The following ADCY2 variants were observed in gnomAD, a reference collection of about 807,000 sequenced individuals.
The protein encoded by ADCY2 is adenylate cyclase 2, also known as adenylate cyclase type 2.
Under a neutral mutation model 125.2 loss-of-function variants are expected in ADCY2, and 31 were observed. The ratio of observed to expected loss-of-function variants is 0.25; its 90% CI spans 0.19 to 0.33. The LOEUF is 0.33. ADCY2 is among the 10% of genes least tolerant of loss of function. The pLI is 1.00. For missense variants in ADCY2, 904 were observed against 1,418.2 expected (o/e 0.64, Z 5.82); for synonymous variants, 512 against 548.4 (o/e 0.93, Z 0.93).
At chr5:7,717,556 C>G (rs553046092) in intron 12 of ADCY2, among the ~76,000 whole-genome samples, 8 of 152,088 alleles carry the variant, frequency 5.3e-5, no homozygotes, top group Non-Finnish European at 1.0e-4. Context: ...ATGGGAAAAC[C>G]TTCAAATTTT....
At chr5:7,820,540 C>A in intron 23 of ADCY2, 25 bp from the exon 24 acceptor site, 1 of 1,612,694 alleles carries the variant, frequency 6.2e-7, no homozygotes. Context: ...ATGAATCTTG[C>A]TAACTCAACT....
At chr5:7,576,308 A>G (rs1736247347) in intron 3 of ADCY2, among the ~76,000 whole-genome samples, 1 of 152,222 alleles carries the variant, frequency 6.6e-6, no homozygotes, top group South Asian at 2.1e-4. Context: ...TTGGCTGGAA[A>G]GTGTATTCAT....
At chr5:7,635,034 C>T (rs372028462) in intron 4 of ADCY2, among the ~76,000 whole-genome samples, 8 of 152,068 alleles carry the variant, frequency 5.3e-5, no homozygotes, top group African/African-American at 1.9e-4. Flanking sequence ...GTGGGAACTA[C>T]CAAGGTCCTG....
chr5:7,399,031 A>C (rs1266863903), intron 1 of ADCY2, among the ~76,000 whole-genome samples: 1 of 152,212 alleles, frequency 6.6e-6, no homozygotes, highest in Non-Finnish European at 1.5e-5. Context: ...TTCGCTTCAG[A>C]GAGGTCTACC....
chr5:7,629,868 T>A (rs1213437508), intron 4 of ADCY2, among the ~76,000 whole-genome samples: 1 of 152,202 alleles, frequency 6.6e-6, no homozygotes, highest in East Asian at 1.9e-4. Context: ...AAGAACACTG[T>A]TTGCTAACTG....
chr5:7,398,576 A>G (rs1416804373), intron 1 of ADCY2, among the ~76,000 whole-genome samples: 4 of 152,186 alleles, frequency 2.6e-5, no homozygotes, highest in Non-Finnish European at 4.4e-5. Flanking sequence ...GCTGTCACCT[A>G]TGGTGAGGTC....
intron 19 of ADCY2, among the ~76,000 whole-genome samples, chr5:7,786,418 G>A (rs1318953732): frequency 6.6e-6 from 1 of 152,082 alleles, no homozygotes; most frequent in Non-Finnish European, 1.5e-5. Context: ...TTTCCTGATT[G>A]GTTTATTAAA....
chr5:7,521,217 A>C (rs77494189), intron 3 of ADCY2, among the ~76,000 whole-genome samples: 3,002 of 152,296 alleles, frequency 0.02, 121 homozygotes, highest in African/African-American at 0.068. Flanking sequence ...TTATAATTCA[A>C]TACTCATTTT....
chr5:7,467,258 G>A (rs1742157690), intron 2 of ADCY2, among the ~76,000 whole-genome samples: 1 of 152,208 alleles, frequency 6.6e-6, no homozygotes, highest in African/African-American at 2.4e-5. Context: ...ATAACTTACA[G>A]AGAAGCAGAA....
intron 15 of ADCY2, among the ~76,000 whole-genome samples, chr5:7,748,882 G>A (rs1007550852): frequency 2.0e-5 from 3 of 152,166 alleles, no homozygotes; most frequent in African/African-American, 7.2e-5. Context: ...TAGAACCGGG[G>A]CTCACAGATG....
At chr5:7,475,411 C>A (rs948247250) in intron 2 of ADCY2, among the ~76,000 whole-genome samples, 7 of 150,800 alleles carry the variant, frequency 4.6e-5, no homozygotes, top group African/African-American at 1.7e-4. Context: ...GATAGAGTTT[C>A]ACTCTTGTTG....
At chr5:7,577,889 G>T (rs575898965) in intron 3 of ADCY2, among the ~76,000 whole-genome samples, 1 of 152,072 alleles carries the variant, frequency 6.6e-6, no homozygotes, top group African/African-American at 2.4e-5. Flanking sequence ...CAAATTATGG[G>T]GCCCACCAAC....
In ADCY2 at chr5:7,650,294, C is replaced by G. The variant is rs770051582; in HGVS notation, c.720+23978C>G. On this transcript the variant is annotated intron_variant, in intron 4 of 24. Transcript: ENST00000338316. The stretch of plus-strand genomic sequence containing the variant: ...TCACACTTCCTTTATTTCACTGTCC[C>G]TGAGTGTGCAGGCTCAGAAATGAAA... Among the ~76,000 whole-genome samples, 21 of 151,882 alleles carry G rather than the reference C, an allele frequency of 1.4e-4. 1 individual carries two copies. The highest frequency in any genetic ancestry group is 1.3e-4 in the Admixed American group (2 of 15,230).
chr5:7,656,715 G>A (rs529493784), intron 4 of ADCY2, among the ~76,000 whole-genome samples: 1 of 152,294 alleles, frequency 6.6e-6, no homozygotes, highest in African/African-American at 2.4e-5. Context: ...AGGATGTGAG[G>A]GAGTGCACTG....
intron 3 of ADCY2, among the ~76,000 whole-genome samples, chr5:7,601,277 A>AT (rs1313505896): frequency 6.6e-6 from 1 of 152,166 alleles, no homozygotes; most frequent in Non-Finnish European, 1.5e-5. Context: ...ATATTAAGTT[A>AT]TTAATAGCTC....
At chr5:7,441,138 G>A (rs1740998799) in intron 2 of ADCY2, among the ~76,000 whole-genome samples, 2 of 152,158 alleles carry the variant, frequency 1.3e-5, no homozygotes, top group Admixed American at 1.3e-4. Context: ...AAAAAATCAA[G>A]TGACTGAGGG....
intron 11 of ADCY2, among the ~76,000 whole-genome samples, chr5:7,714,643 A>G (rs189197320): frequency 6.6e-6 from 1 of 152,342 alleles, no homozygotes; most frequent in African/African-American, 2.4e-5. Flanking sequence ...ACAAGTTCCT[A>G]ACTGCTCTTC....
rs1033912676 is a variant in ADCY2, at chr5:7,621,872, C to T, written c.571-4295C>T. Among the ~76,000 whole-genome samples the T allele has an allele frequency of 1.4e-4, 22 of 152,144 alleles. 1 individual carries two copies. Among genetic ancestry groups the T allele is most frequent in the African/African-American group, 5.1e-4 (21 of 41,422 alleles). On this transcript the variant is annotated intron_variant, in intron 3 of 24. Transcript: ENST00000338316. ...GCAAGCCTCTGTGAGGATATGTGGG[C>T]GTGTGGGCACGGTTCCACTTACACA...
At chr5:7,781,850 G>C (rs1375454347) in intron 18 of ADCY2, among the ~76,000 whole-genome samples, 2 of 152,140 alleles carry the variant, frequency 1.3e-5, no homozygotes, top group African/African-American at 2.4e-5. Context: ...CACACAAAGA[G>C]TGAGGTGATC....
Sources: allele counts gnomAD v4.1 joint callset (sites outside exome capture counted in the v4.1 genomes callset), GRCh38; gene constraint gnomAD v4.1.1; transcripts MANE v1.5; gene names NCBI Gene and HGNC (gene_info 2026-07-23, HGNC 2026-07-21).